CCSER1: variants seen among roughly 807,000 people sequenced by gnomAD.
CCSER1 encodes the protein coiled-coil serine rich protein 1.
CCSER1 carries 41 observed loss-of-function variants against 82.0 expected under a neutral mutation model. The observed-to-expected ratio is 0.50, with a 90% CI of 0.39 to 0.65. The LOEUF (loss-of-function observed/expected upper bound fraction) is 0.65, where lower values mean the gene tolerates loss of function less well. Ranked by LOEUF, CCSER1 falls within the 30% of genes least tolerant of loss-of-function variation. The probability of loss-of-function intolerance (pLI) is 0.00; values close to 1 mark genes in which losing one functional copy is unlikely to be tolerated. For synonymous variants in CCSER1, 414 were observed against 383.9 expected (o/e 1.08, Z -0.92); for missense variants, 1,119 against 1,064.2 (o/e 1.05, Z -0.72).
At chr4:91,426,091 A>C (rs1045755529) in intron 10 of CCSER1, among the ~76,000 whole-genome samples, 1 of 151,824 alleles carries the variant, frequency 6.6e-6, no homozygotes, top group Admixed American at 6.6e-5. Context: ...TCCTATGTCC[A>C]TGTGTTCTCA....
chr4:90,212,980 CAT>C lies in CCSER1; in HGVS notation c.-42+85150_-42+85151del, dbSNP rs1353656286. 3.2e-4 allele frequency among the ~76,000 whole-genome samples: 48 copies of C among 152,210 alleles called. No individual in the cohort carries two copies. In the East Asian group the frequency reaches 8.1e-3, roughly 26 times the overall value. On this transcript the variant is annotated intron_variant, in intron 1 of 10. Transcript: ENST00000509176. The stretch of plus-strand genomic sequence containing the variant: ...GAGAGTAATGGCAGATGAGGCCTAA[CAT>C]GTGTATGGGGGAAGTTAGATCATGA...
intron 10 of CCSER1, among the ~76,000 whole-genome samples, chr4:91,494,480 T>C (rs1422786052): frequency 1.3e-5 from 2 of 151,822 alleles, no homozygotes; most frequent in African/African-American, 4.8e-5. Context: ...TTATCTGTTC[T>C]ATATTTTGCA....
intron 9 of CCSER1, among the ~76,000 whole-genome samples, chr4:90,957,198 G>T (rs1319501934): frequency 6.9e-6 from 1 of 144,918 alleles, no homozygotes; most frequent in Non-Finnish European, 1.5e-5. Flanking sequence ...TGCCTCCCGG[G>T]TTCAAGCAAT....
chr4:91,189,846 T>G (rs1194703195), intron 10 of CCSER1, among the ~76,000 whole-genome samples: 1 of 152,218 alleles, frequency 6.6e-6, no homozygotes, highest in African/African-American at 2.4e-5. Flanking sequence ...TAATTTAACA[T>G]TTGCATTTAA....
intron 10 of CCSER1, among the ~76,000 whole-genome samples, chr4:91,171,773 A>T (rs1479664270): frequency 6.7e-6 from 1 of 149,622 alleles, no homozygotes; most frequent in Non-Finnish European, 1.5e-5. Context: ...ATTGGATATA[A>T]TAAAATAATC....
At chr4:90,249,877 C>T (rs1333625152) in intron 1 of CCSER1, among the ~76,000 whole-genome samples, 1 of 152,096 alleles carries the variant, frequency 6.6e-6, no homozygotes, top group East Asian at 1.9e-4. Flanking sequence ...AGGACGATTC[C>T]AGTTTCTCTA....
chr4:91,147,957 A>G (rs1166408305), intron 10 of CCSER1, among the ~76,000 whole-genome samples: 1 of 152,206 alleles, frequency 6.6e-6, no homozygotes, highest in Non-Finnish European at 1.5e-5. Context: ...AATATGCTCT[A>G]TATATTTCTT....
At chr4:91,143,515 G>T (rs1177384188) in intron 10 of CCSER1, among the ~76,000 whole-genome samples, 1 of 152,072 alleles carries the variant, frequency 6.6e-6, no homozygotes. Context: ...CCAGTACTAT[G>T]TTGAATAGGA....
At chr4:90,455,855 C>T (rs567482859) in intron 4 of CCSER1, among the ~76,000 whole-genome samples, 3 of 152,192 alleles carry the variant, frequency 2.0e-5, no homozygotes, top group Admixed American at 6.5e-5. Flanking sequence ...TAGTCATGCT[C>T]ACCTGCGCCG....
chr4:91,166,450 C>A (rs984031725), intron 10 of CCSER1, among the ~76,000 whole-genome samples: 1 of 152,004 alleles, frequency 6.6e-6, no homozygotes, highest in Non-Finnish European at 1.5e-5. Context: ...AAGAAGATAG[C>A]CAAATAGAAA....
At chr4:91,093,718 T>G (rs374640761) in intron 10 of CCSER1, among the ~76,000 whole-genome samples, 3 of 152,154 alleles carry the variant, frequency 2.0e-5, no homozygotes, top group African/African-American at 7.2e-5. Flanking sequence ...ACACATAGAG[T>G]GTAAAGGGCT....
At chr4:90,550,182 T>A (rs1289434734) in intron 5 of CCSER1, among the ~76,000 whole-genome samples, 1 of 152,148 alleles carries the variant, frequency 6.6e-6, no homozygotes, top group Non-Finnish European at 1.5e-5. Flanking sequence ...AGATTCTTGA[T>A]ATGTCTTCCT....
intron 1 of CCSER1, among the ~76,000 whole-genome samples, chr4:90,222,098 T>A (rs1578572803): frequency 6.6e-6 from 1 of 152,080 alleles, no homozygotes; most frequent in East Asian, 1.9e-4. Flanking sequence ...ATGGAAATGA[T>A]TTCTGGGGTG....
intron 4 of CCSER1, among the ~76,000 whole-genome samples, chr4:90,404,653 A>G (rs977481609): frequency 6.6e-6 from 1 of 152,210 alleles, no homozygotes. Flanking sequence ...GCTAGTATCC[A>G]GGTCTGAAAG....
chr4:90,536,811 T>C (rs957489772), intron 5 of CCSER1, among the ~76,000 whole-genome samples: 1 of 152,206 alleles, frequency 6.6e-6, no homozygotes, highest in Non-Finnish European at 1.5e-5. Flanking sequence ...CCTTACATGG[T>C]TATTGTTATT....
Position 91,266,762 on chromosome 4 carries a change from C to T in CCSER1, c.2217+180768C>T, listed in dbSNP as rs536666712. ...TTTCTGGTTTTGCATACTTTAGTAG[C>T]TGGCTGATCCTTATCTTACCGGATA... On this transcript the variant is annotated intron_variant, in intron 10 of 10. Coordinates refer to ENST00000509176, the MANE Select transcript of CCSER1 (RefSeq NM_001145065.2). 5.9e-5 allele frequency among the ~76,000 whole-genome samples: 9 copies of T among 152,266 alleles called. No homozygotes were observed. In the South Asian group the frequency reaches 1.9e-3, roughly 32 times the overall value.
chr4:91,177,994 G>C (rs1339344097), intron 10 of CCSER1, among the ~76,000 whole-genome samples: 3 of 152,144 alleles, frequency 2.0e-5, no homozygotes, highest in Admixed American at 2.0e-4. Flanking sequence ...GTGTCCCAGA[G>C]ATTCTGGTAT....
intron 8 of CCSER1, among the ~76,000 whole-genome samples, chr4:90,920,785 C>T (rs28643477): frequency 0.31 from 47,166 of 151,406 alleles, 7,751 homozygotes; most frequent in Non-Finnish European, 0.34. Context: ...CTTTTTTTCC[C>T]TTAGTGTCCC....
intron 1 of CCSER1, among the ~76,000 whole-genome samples, chr4:90,247,773 A>G (rs971501937): frequency 2.0e-5 from 3 of 152,032 alleles, no homozygotes; most frequent in African/African-American, 7.2e-5. Context: ...TTATTTTAAT[A>G]TATAGTCAGT....
Sources: allele counts gnomAD v4.1 joint callset (sites outside exome capture counted in the v4.1 genomes callset), GRCh38; gene constraint gnomAD v4.1.1; transcripts MANE v1.5; gene names NCBI Gene and HGNC (gene_info 2026-07-23, HGNC 2026-07-21).